The following CDC27 variants were observed in gnomAD, a reference collection of about 807,000 sequenced individuals.
CDC27 encodes cell division cycle 27.
CDC27 carries 27 observed loss-of-function variants against 109.7 expected under a neutral mutation model. The observed-to-expected ratio is 0.25, with a 90% CI of 0.18 to 0.34. CDC27 has a LOEUF of 0.34. Among genes scored for constraint, CDC27 ranks in the 10% least tolerant of loss-of-function variants. The pLI, the probability that CDC27 is intolerant of heterozygous loss-of-function variation, is 1.00. For synonymous variants in CDC27, 266 were observed against 333.9 expected (o/e 0.80, Z 2.22); for missense variants, 579 against 960.2 (o/e 0.60, Z 5.25).
chr17:47,150,103 A>C (rs1233437306), intron 9 of CDC27, among the ~76,000 whole-genome samples: 1 of 152,230 alleles, frequency 6.6e-6, no homozygotes, highest in Non-Finnish European at 1.5e-5. Flanking sequence ...AGACTAAGAG[A>C]GGAGCACGAA....
chr17:47,177,437 C>T (rs1201082711), intron 2 of CDC27, among the ~76,000 whole-genome samples: 3 of 152,048 alleles, frequency 2.0e-5, no homozygotes, highest in Non-Finnish European at 4.4e-5. Flanking sequence ...ATTAGGTGGG[C>T]GTGGCCGCAG....
At chr17:47,166,012 G>A (rs1453431894) in intron 4 of CDC27, among the ~76,000 whole-genome samples, 1 of 152,060 alleles carries the variant, frequency 6.6e-6, no homozygotes, top group Non-Finnish European at 1.5e-5. Context: ...GGAATTACTG[G>A]CTCAAATAGT....
intron 12 of CDC27, chr17:47,139,870 A>G (rs1169477599): frequency 1.3e-5 from 2 of 152,030 alleles, no homozygotes; most frequent in East Asian, 3.9e-4. Context: ...AGCTCCCAGA[A>G]CTGTGTTTCT....
At chr17:47,137,029 G>A in intron 14 of CDC27, 123 bp downstream of exon 14, 2 of 510,334 alleles carry the variant, frequency 3.9e-6, no homozygotes, top group Non-Finnish European at 6.8e-6. Flanking sequence ...TTATTGACCA[G>A]TATGTACCAT....
At chr17:47,178,274 G>A (rs905260418) in intron 2 of CDC27, among the ~76,000 whole-genome samples, 3 of 152,084 alleles carry the variant, frequency 2.0e-5, no homozygotes, top group Admixed American at 6.6e-5. Context: ...AGTGGCTCAC[G>A]TCTGTAATCC....
chr17:47,170,944 T>G (rs1254580123), intron 3 of CDC27: 1 of 151,758 alleles, frequency 6.6e-6, no homozygotes, highest in Non-Finnish European at 1.5e-5. Flanking sequence ...ATACAAAAAA[T>G]AAGAAAATTA....
intron 2 of CDC27, among the ~76,000 whole-genome samples, chr17:47,173,660 G>C (rs2063886556): frequency 6.6e-6 from 1 of 152,030 alleles, no homozygotes; most frequent in Non-Finnish European, 1.5e-5. Flanking sequence ...GCCTAATAAA[G>C]ACACCAACTA....
At chr17:47,186,497 C>T (rs1404728094) in intron 1 of CDC27, among the ~76,000 whole-genome samples, 1 of 152,158 alleles carries the variant, frequency 6.6e-6, no homozygotes, top group African/African-American at 2.4e-5. Context: ...AATCTCTTTG[C>T]TTCTTTTTTA....
intron 9 of CDC27, among the ~76,000 whole-genome samples, chr17:47,145,204 A>T (rs1402500327): frequency 1.3e-5 from 2 of 152,240 alleles, no homozygotes. Flanking sequence ...TTCCGAGGAC[A>T]GTTCTAGGGC....
At chr17:47,159,575 C>T (rs745699965) in intron 4 of CDC27, 22 of 474,628 alleles carry the variant, frequency 4.6e-5, no homozygotes, top group African/African-American at 2.0e-4. Context: ...GTAGCCTCTG[C>T]GCACGGGGAC....
At chr17:47,133,106 C>CACAT (rs1390234065) in intron 14 of CDC27, among the ~76,000 whole-genome samples, 6 of 98,024 alleles carry the variant, frequency 6.1e-5, no homozygotes, top group African/African-American at 2.5e-4. Context: ...CACAAATATA[C>CACAT]ATATATATAT....
chr17:47,122,865 G>A (rs1190535546), intron 17 of CDC27, among the ~76,000 whole-genome samples: 2 of 151,982 alleles, frequency 1.3e-5, no homozygotes, highest in Non-Finnish European at 2.9e-5. Context: ...GTAGAGACAG[G>A]GTTTTGCCAT....
intron 2 of CDC27, among the ~76,000 whole-genome samples, chr17:47,176,583 G>A (rs188336773): frequency 2.6e-5 from 4 of 152,308 alleles, no homozygotes; most frequent in Admixed American, 2.6e-4. Context: ...AAAAAAGATG[G>A]CCAAATTGTG....
intron 2 of CDC27, among the ~76,000 whole-genome samples, chr17:47,173,573 C>G (rs964997304): frequency 1.2e-4 from 19 of 152,144 alleles, no homozygotes; most frequent in African/African-American, 4.1e-4. Flanking sequence ...TAATTTAACT[C>G]CCAGTCACAG....
At chr17:47,155,437 G>A (rs2063275760) in intron 7 of CDC27, among the ~76,000 whole-genome samples, 1 of 152,008 alleles carries the variant, frequency 6.6e-6, no homozygotes, top group Admixed American at 6.6e-5. Flanking sequence ...GTAGAGATAG[G>A]GTTTCACCAT....
intron 9 of CDC27, among the ~76,000 whole-genome samples, chr17:47,144,587 T>C (rs1056791101): frequency 1.1e-4 from 17 of 152,230 alleles, no homozygotes; most frequent in African/African-American, 3.9e-4. Flanking sequence ...TTATTCTCTT[T>C]AGAGCGAAAG....
At chr17:47,162,628 C>CAAAGACAA (rs1440773435) in intron 4 of CDC27, among the ~76,000 whole-genome samples, 3 of 151,994 alleles carry the variant, frequency 2.0e-5, no homozygotes, top group African/African-American at 7.2e-5. Context: ...ATTGATTAAG[C>CAAAGACAA]AAAGACAAAA....
chr17:47,154,123 G>A (rs12453390), intron 8 of CDC27, among the ~76,000 whole-genome samples: 15 of 147,790 alleles, frequency 1.0e-4, no homozygotes, highest in Admixed American at 3.4e-4. Context: ...GAAACTTGCC[G>A]CAATATTTAC....
chr17:47,119,419 CTA>C lies in CDC27; in HGVS notation c.*1514_*1515del, dbSNP rs1328710334. ...TATAGAAAATTACTGAGTCTACAGACTAAAATTTTTTTCACATCTTTTGTAAT... is the reference window on the plus strand; with the variant it reads ...TATAGAAAATTACTGAGTCTACAGACAAATTTTTTTCACATCTTTTGTAAT... On this transcript the variant is annotated 3_prime_UTR_variant, in exon 19 of 19. Transcript: ENST00000066544. 4.6e-5 allele frequency: 7 copies of C among 152,222 alleles called. No homozygotes were observed. The South Asian group carries it at 1.4e-3, about 32-fold the overall frequency. The allele number at this position is 152,222 out of a possible 1,614,324, so 9.4% of individuals were successfully genotyped here. A position where few individuals can be genotyped will look rare whatever the true frequency, so the allele number is the denominator to read the frequency against.
Sources: gnomAD v4.1 joint callset for allele counts (sites outside exome capture counted in the v4.1 genomes callset) on GRCh38, gnomAD v4.1.1 for gene constraint, MANE v1.5 for transcripts, NCBI Gene and HGNC (gene_info 2026-07-23, HGNC 2026-07-21) for gene names.